The following PCDHGA12 variants were observed in gnomAD, a reference collection of about 807,000 sequenced individuals.
The protein encoded by PCDHGA12 is protocadherin gamma subfamily A, 12.
Under a neutral mutation model 61.1 loss-of-function variants are expected in PCDHGA12, and 43 were observed. The ratio of observed to expected loss-of-function variants is 0.70; its 90% CI spans 0.55 to 0.91. The LOEUF (loss-of-function observed/expected upper bound fraction) is 0.91, where lower values mean the gene tolerates loss of function less well. Among genes scored for constraint, PCDHGA12 ranks in the 40% least tolerant of loss-of-function variants. The pLI is 0.00. For missense variants in PCDHGA12, 1,236 were observed against 1,227.7 expected, an observed-to-expected ratio of 1.01 and a Z score of -0.10; for synonymous variants, 520 against 542.9, an observed-to-expected ratio of 0.96 and a Z score of 0.59.
chr5:141,486,140 C>T lies in PCDHGA12; in HGVS notation c.2425-8667C>T, dbSNP rs759476505. On this transcript the variant is annotated intron_variant, in intron 1 of 3. Coordinates refer to ENST00000252085, the MANE Select transcript of PCDHGA12 (RefSeq NM_003735.3). The surrounding 1 kb of genome is among the most constrained non-coding windows in gnomAD (Gnocchi z 5.0). ...TTACTATGAATTTGATGTGCGGGCT[C>T]GCGATGGGGGTTCTCCAGCCATGGA... 1 of 1,614,164 alleles carries T rather than the reference C, an allele frequency of 6.2e-7. No individual in the cohort carries two copies. The highest frequency in any genetic ancestry group is 1.3e-5 in the African/African-American group (1 of 75,030).
chr5:141,446,920 C>T (rs2098520337), intron 1 of PCDHGA12, among the ~76,000 whole-genome samples: 1 of 152,108 alleles, frequency 6.6e-6, no homozygotes, highest in African/African-American at 2.4e-5. Flanking sequence ...TATTTATCTT[C>T]CTGATCTCTT....
Position 141,486,544 on chromosome 5 carries a change from G to C in PCDHGA12, c.2425-8263G>C, listed in dbSNP as rs1376583724. Reference sequence around the variant, plus strand: ...ATGATAATCCACCCTCTTTCTTTCAGAGGTCACATGAGGTGTTTGTTCCTG... The same window carrying C: ...ATGATAATCCACCCTCTTTCTTTCACAGGTCACATGAGGTGTTTGTTCCTG... On this transcript the variant is annotated intron_variant, in intron 1 of 3. Coordinates refer to ENST00000252085, the MANE Select transcript of PCDHGA12 (RefSeq NM_003735.3). The surrounding 1 kb of genome is among the most constrained non-coding windows in gnomAD (Gnocchi z 5.0). The C allele has an allele frequency of 6.2e-7, 1 of 1,613,964 alleles. No homozygotes were observed. The highest frequency in any genetic ancestry group is 1.3e-5 in the African/African-American group (1 of 74,932).
intron 1 of PCDHGA12, among the ~76,000 whole-genome samples, chr5:141,469,403 C>T (rs902543178): frequency 4.6e-5 from 7 of 152,060 alleles, no homozygotes; most frequent in South Asian, 2.1e-4. Context: ...GGTGAAACCC[C>T]GTTTCTACTA....
chr5:141,478,384 T>G, intron 1 of PCDHGA12: 1 of 1,613,658 alleles, frequency 6.2e-7, no homozygotes, highest in South Asian at 1.1e-5. Context: ...CGCCGCACCT[T>G]TACCATCAGG....
intron 1 of PCDHGA12, among the ~76,000 whole-genome samples, chr5:141,470,417 T>A (rs1482173610): frequency 6.6e-6 from 1 of 152,226 alleles, no homozygotes; most frequent in East Asian, 1.9e-4. Context: ...ATTTTATGTA[T>A]TTTTTCCTTG....
chr5:141,451,009 T>C (rs1437016950), intron 1 of PCDHGA12, among the ~76,000 whole-genome samples: 1 of 151,566 alleles, frequency 6.6e-6, no homozygotes, highest in East Asian at 1.9e-4. Context: ...GTATTTTTTT[T>C]AGTAGAGACG....
chr5:141,491,390 T>G lies in PCDHGA12; in HGVS notation c.2425-3417T>G. 1 of 1,614,130 alleles carries G rather than the reference T, an allele frequency of 6.2e-7. No individual in the cohort carries two copies. Among genetic ancestry groups the G allele is most frequent in the Admixed American group, 1.7e-5 (1 of 60,028 alleles). ...TTCACCTTTCTGTCAGCGAAGTGCC[T>G]TCAGGGAAACGCAGACGGGGACGGG... On this transcript the variant is annotated intron_variant, in intron 1 of 3. Transcript: ENST00000252085. The surrounding 1 kb of genome is among the most constrained non-coding windows in gnomAD (Gnocchi z 6.9).
chr5:141,490,890 G>C lies in PCDHGA12; in HGVS notation c.2425-3917G>C, dbSNP rs751713801. The C allele has an allele frequency of 9.9e-6, 16 of 1,613,306 alleles. No homozygotes were observed. The South Asian group carries it at 1.2e-4, about 12-fold the overall frequency. On this transcript the variant is annotated intron_variant, in intron 1 of 3. Transcript: ENST00000252085. This position sits in a 1 kb window ranked among gnomAD's most constrained non-coding sequence, Gnocchi z 5.4. ...CCCCATTGCATGCCAACACATCTCT[G>C]CATGTGTTTGTCCTAGACGAGAATG...
chr5:141,475,955 C>A, intron 1 of PCDHGA12: 1 of 800,218 alleles, frequency 1.2e-6, no homozygotes, highest in Non-Finnish European at 1.9e-6. Flanking sequence ...TTCTGCGCCC[C>A]GGGATGAGGC....
intron 1 of PCDHGA12, among the ~76,000 whole-genome samples, chr5:141,465,205 G>A (rs1460694369): frequency 6.6e-6 from 1 of 151,892 alleles, no homozygotes; most frequent in Admixed American, 6.6e-5. Flanking sequence ...AAAAATATAA[G>A]CTTTATTTTT....
chr5:141,505,381 C>T lies in PCDHGA12; in HGVS notation c.2484-12C>T. On this transcript the variant is annotated splice_polypyrimidine_tract_variant and intron_variant, in intron 2 of 3. Transcript: ENST00000252085. Reference sequence around the variant, plus strand: ...CTGGGAGTCTGTGCTCACCATCCTACTCTCTCCCCAGCTCCCAAAATGGCG... The same window carrying T: ...CTGGGAGTCTGTGCTCACCATCCTATTCTCTCCCCAGCTCCCAAAATGGCG... 1 of 1,614,064 alleles carries T rather than the reference C, an allele frequency of 6.2e-7. No homozygotes were observed.
Position 141,476,380 on chromosome 5 carries a change from G to C in PCDHGA12, c.2425-18427G>C. 1 of 1,614,154 alleles carries C rather than the reference G, an allele frequency of 6.2e-7. No homozygotes were observed. The highest frequency in any genetic ancestry group is 8.5e-7 in the Non-Finnish European group (1 of 1,180,042). On this transcript the variant is annotated intron_variant, in intron 1 of 3. Coordinates refer to ENST00000252085, the MANE Select transcript of PCDHGA12 (RefSeq NM_003735.3). The surrounding 1 kb of genome is among the most constrained non-coding windows in gnomAD (Gnocchi z 7.6). ...ACCGGGAGACCGGAGAGATGTTTGT[G>C]AACGACCGTCTGGATCGAGAGGAGC... is the stretch of plus-strand genomic sequence containing the variant.
At chr5:141,441,797 G>T in intron 1 of PCDHGA12, 1 of 386,536 alleles carries the variant, frequency 2.6e-6, no homozygotes, top group Non-Finnish European at 5.2e-6. Context: ...ACAACGCACC[G>T]CGGGTGCTGT....
chr5:141,451,069 C>G (rs2098705799), intron 1 of PCDHGA12, among the ~76,000 whole-genome samples: 1 of 151,836 alleles, frequency 6.6e-6, no homozygotes, highest in Non-Finnish European at 1.5e-5. Flanking sequence ...ACCTTGTGAT[C>G]CACCCACCTT....
intron 1 of PCDHGA12, among the ~76,000 whole-genome samples, chr5:141,443,876 G>C (rs2098409251): frequency 6.6e-6 from 1 of 152,152 alleles, no homozygotes; most frequent in South Asian, 2.1e-4. Flanking sequence ...TTACTGATAA[G>C]TCAAGAGAAA....
chr5:141,469,476 G>A (rs2154570344), intron 1 of PCDHGA12, among the ~76,000 whole-genome samples: 1 of 152,246 alleles, frequency 6.6e-6, no homozygotes, highest in South Asian at 2.1e-4. Context: ...TCGGGAGGCT[G>A]AGGCAGGAGA....
intron 3 of PCDHGA12, among the ~76,000 whole-genome samples, chr5:141,506,032 G>A (rs994735467): frequency 5.9e-5 from 9 of 152,166 alleles, no homozygotes; most frequent in Non-Finnish European, 1.0e-4. Context: ...TCCAGAGTAG[G>A]ATTCTGGTTT....
intron 1 of PCDHGA12, among the ~76,000 whole-genome samples, chr5:141,434,054 C>T (rs1241950753): frequency 6.6e-6 from 1 of 152,094 alleles, no homozygotes; most frequent in Non-Finnish European, 1.5e-5. Flanking sequence ...ATTCAATGGC[C>T]TGTAATCTGT....
At chr5:141,460,787 C>T (rs1177595415) in intron 1 of PCDHGA12, among the ~76,000 whole-genome samples, 1 of 151,504 alleles carries the variant, frequency 6.6e-6, no homozygotes, top group Non-Finnish European at 1.5e-5. Context: ...TACATATATA[C>T]ACACAAAGTA....
Sources: gnomAD v4.1 joint callset for allele counts (sites outside exome capture counted in the v4.1 genomes callset) on GRCh38, gnomAD v4.1.1 for gene constraint, Gnocchi (gnomAD v3.1) non-coding constraint, MANE v1.5 for transcripts, NCBI Gene and HGNC (gene_info 2026-07-23, HGNC 2026-07-21) for gene names.